Variants in EMCN observed in about 807,000 individuals in gnomAD.
The protein encoded by EMCN is endomucin, also known as MUC-14.
EMCN carries 37 observed loss-of-function variants against 38.4 expected under a neutral mutation model. The observed-to-expected ratio is 0.96, with a 90% CI of 0.74 to 1.27. The LOEUF is 1.27. EMCN is among the 50% of genes most tolerant of loss of function. EMCN has a pLI of 0.00. For missense variants in EMCN, 318 were observed against 302.8 expected, an observed-to-expected ratio of 1.05 and a Z score of -0.37; for synonymous variants, 95 against 100.8, an observed-to-expected ratio of 0.94 and a Z score of 0.35.
chr4:100,416,063 A>G, intron 9 of EMCN, 104 bp from the exon 10 acceptor site: 2 of 618,784 alleles, frequency 3.2e-6, no homozygotes, highest in Non-Finnish European at 5.6e-6. Flanking sequence ...ATATGCATAT[A>G]TATATATAAT....
intron 11 of EMCN, among the ~76,000 whole-genome samples, chr4:100,399,038 C>T (rs1015915951): frequency 6.6e-6 from 1 of 152,128 alleles, no homozygotes; most frequent in African/African-American, 2.4e-5. Flanking sequence ...TTATGGGCAA[C>T]TTTAAAGCTT....
chr4:100,404,403 A>C (rs1012322288), intron 11 of EMCN, among the ~76,000 whole-genome samples: 1 of 152,088 alleles, frequency 6.6e-6, no homozygotes, highest in African/African-American at 2.4e-5. Flanking sequence ...AACTTGTTTC[A>C]TTGATCTATT....
intron 4 of EMCN, among the ~76,000 whole-genome samples, chr4:100,457,215 TGC>T (rs70958362): frequency 0.33 from 22,880 of 70,162 alleles, 1,823 homozygotes; most frequent in South Asian, 0.42. Flanking sequence ...TGTGTGTGTG[TGC>T]GATCATTAGT....
At chr4:100,411,253 G>T (rs1057273258) in intron 10 of EMCN, among the ~76,000 whole-genome samples, 1 of 152,050 alleles carries the variant, frequency 6.6e-6, no homozygotes, top group African/African-American at 2.4e-5. Flanking sequence ...GAGAAATGTT[G>T]GGCATAGTTC....
At chr4:100,495,086 C>T (rs1729177209) in intron 1 of EMCN, among the ~76,000 whole-genome samples, 1 of 152,128 alleles carries the variant, frequency 6.6e-6, no homozygotes, top group South Asian at 2.1e-4. Context: ...AGCGTGAGAA[C>T]TTAATCCTCC....
At chr4:100,514,756 C>T (rs189026563) in intron 1 of EMCN, among the ~76,000 whole-genome samples, 1 of 152,156 alleles carries the variant, frequency 6.6e-6, no homozygotes, top group Admixed American at 6.6e-5. Context: ...TCTAGAACCT[C>T]TTGATTTTCA....
At chr4:100,517,720 C>A in intron 1 of EMCN, 131 bp downstream of exon 1, 1 of 835,660 alleles carries the variant, frequency 1.2e-6, no homozygotes, top group Non-Finnish European at 2.0e-6. Flanking sequence ...AGTCAACATC[C>A]AAACACTCAA....
At chr4:100,457,084 T>G (rs1281882131) in intron 4 of EMCN, among the ~76,000 whole-genome samples, 2 of 152,114 alleles carry the variant, frequency 1.3e-5, no homozygotes, top group Non-Finnish European at 2.9e-5. Context: ...TTTTTTGCCT[T>G]AAATTCTACT....
At chr4:100,481,187 C>T (rs1022828454) in intron 1 of EMCN, among the ~76,000 whole-genome samples, 1 of 151,884 alleles carries the variant, frequency 6.6e-6, no homozygotes, top group African/African-American at 2.4e-5. Context: ...TATTCAAATC[C>T]CAGTCAAACT....
chr4:100,419,637 C>T (rs192727124), intron 8 of EMCN, among the ~76,000 whole-genome samples: 39 of 152,164 alleles, frequency 2.6e-4, no homozygotes, highest in Non-Finnish European at 4.7e-4. Flanking sequence ...TTACTCAACA[C>T]TCTCAGGCTG....
At chr4:100,420,314 C>T (rs1446920445) in intron 8 of EMCN, among the ~76,000 whole-genome samples, 1 of 150,666 alleles carries the variant, frequency 6.6e-6, no homozygotes, top group Non-Finnish European at 1.5e-5. Flanking sequence ...ATTCATTCTG[C>T]TTGAAGAAGT....
chr4:100,415,922 C>T lies in EMCN; in HGVS notation c.727G>A (p.Val243Ile), dbSNP rs186967769. ...SDKESVKLLT[V>I]KTISHESGEH... ...CCAGACTCATGAGAAATTGTCTTAA[C>T]GGTAAGAAGCTTCACGCTCTCTTTA... Residue 243 changes from valine to isoleucine, a missense_variant, in exon 10 of 12, where the codon GTT becomes ATT. Physicochemically the swap from Val to Ile is conservative, Grantham distance 29. Transcript: ENST00000296420. 320 of 1,585,456 alleles carry T rather than the reference C, an allele frequency of 2.0e-4. No individual in the cohort carries two copies. Among genetic ancestry groups the T allele is most frequent in the Middle Eastern group, 1.5e-3 (9 of 5,890 alleles).
chr4:100,509,534 A>G (rs1219866430), intron 1 of EMCN, among the ~76,000 whole-genome samples: 1 of 152,174 alleles, frequency 6.6e-6, no homozygotes, highest in Non-Finnish European at 1.5e-5. Context: ...TGGCCTTTGT[A>G]TCCTGGGGAG....
At chr4:100,465,687 C>T (rs1350719230) in intron 3 of EMCN, 148 bp from the exon 4 acceptor site, 2 of 467,944 alleles carry the variant, frequency 4.3e-6, no homozygotes, top group African/African-American at 2.0e-5. Flanking sequence ...TAACATTCAC[C>T]TTTTGGTGAT....
At chr4:100,409,469 C>A (rs1299062073) in intron 11 of EMCN, among the ~76,000 whole-genome samples, 3 of 152,142 alleles carry the variant, frequency 2.0e-5, no homozygotes, top group Non-Finnish European at 4.4e-5. Context: ...AACGTACCTG[C>A]CTTGAGCTTA....
At chr4:100,411,680 AT>A (rs201708187) in intron 10 of EMCN, among the ~76,000 whole-genome samples, 1 of 152,088 alleles carries the variant, frequency 6.6e-6, no homozygotes, top group South Asian at 2.1e-4. Flanking sequence ...TTTATTCTCT[AT>A]TTTTTTCTAT....
chr4:100,458,924 C>T (rs1728091926), intron 4 of EMCN, among the ~76,000 whole-genome samples: 1 of 151,988 alleles, frequency 6.6e-6, no homozygotes, highest in Admixed American at 6.6e-5. Context: ...TTTAGCCTTC[C>T]CCTGGGTGCT....
At position 100,479,911 on chromosome 4, in the gene EMCN, T is replaced by C; in HGVS notation, c.187+6A>G. On this transcript the variant is annotated splice_donor_region_variant and intron_variant, in intron 2 of 11. Coordinates refer to ENST00000296420, the MANE Select transcript of EMCN (RefSeq NM_016242.4). Reference sequence around the variant, plus strand: ...TTAAACTAAATTTACTAACAGTTAATCCTACCTTTAGGAGTTGTTCCAGTT... The same window carrying C: ...TTAAACTAAATTTACTAACAGTTAACCCTACCTTTAGGAGTTGTTCCAGTT... The C allele has an allele frequency of 6.2e-7, 1 of 1,602,232 alleles. No homozygotes were observed. Among genetic ancestry groups the C allele is most frequent in the Non-Finnish European group, 8.5e-7 (1 of 1,175,694 alleles).
intron 11 of EMCN, among the ~76,000 whole-genome samples, chr4:100,407,212 C>A (rs1726418666): frequency 6.6e-6 from 1 of 152,100 alleles, no homozygotes; most frequent in South Asian, 2.1e-4. Context: ...GAGTGTTTAG[C>A]CCACTACCAT....
Sources: allele counts gnomAD v4.1 joint callset (sites outside exome capture counted in the v4.1 genomes callset), GRCh38; gene constraint gnomAD v4.1.1; transcripts MANE v1.5; gene names NCBI Gene and HGNC (gene_info 2026-07-23, HGNC 2026-07-21).